Variants in JAK1 observed in about 807,000 individuals in gnomAD.
JAK1 encodes tyrosine-protein kinase JAK1.
Under a neutral mutation model 136.6 loss-of-function variants are expected in JAK1, and 16 were observed. The ratio of observed to expected loss-of-function variants is 0.12; its 90% CI spans 0.08 to 0.18. JAK1 has a LOEUF of 0.18. Among genes scored for constraint, JAK1 ranks in the 10% least tolerant of loss-of-function variants. The pLI, the probability that JAK1 is intolerant of heterozygous loss-of-function variation, is 1.00. For missense variants in JAK1, 859 were observed against 1,450.1 expected (o/e 0.59, Z 6.62); for synonymous variants, 492 against 519.5 (o/e 0.95, Z 0.72).
chr1:64,928,787 A>AAAAAAAAAAAAAAAAAAAAAAC (rs1645631562), intron 1 of JAK1, among the ~76,000 whole-genome samples: 12 of 92,590 alleles, frequency 1.3e-4, no homozygotes, highest in Non-Finnish European at 2.3e-4. Context: ...GCAAAAAAAA[A>AAAAAAAAAAAAAAAAAAAAAAC]AAAAAAAAAC....
intron 22 of JAK1, among the ~76,000 whole-genome samples, chr1:64,837,265 G>C (rs1444140429): frequency 6.6e-6 from 1 of 152,176 alleles, no homozygotes; most frequent in Non-Finnish European, 1.5e-5. Context: ...TTAAATGAAT[G>C]AATGAGTAAG....
rs2100959070 is a variant in JAK1 at position 64,839,603 on chromosome 1, C to T, written c.2842G>A (p.Gly948Arg). 1 of 1,612,982 alleles carries T rather than the reference C, an allele frequency of 6.2e-7. No homozygotes were observed. The highest frequency in any genetic ancestry group is 8.5e-7 in the Non-Finnish European group (1 of 1,179,326). ...CGGACCCCAGCCTTGCATAACATAC[C>T]GTCTTCTGTGCAGATTCCTTTGTAC... The part of the protein sequence containing the change: ...VKYKGICTED[G>R]GNGIKLIMEF... The change falls in exon 20 of 25, where the codon GGA becomes AGA. Residue 948 changes from glycine (G) to arginine (R), a missense_variant and splice_region_variant. Physicochemically the swap from Gly to Arg is moderately radical, Grantham distance 125 (BLOSUM62 -2). This residue lies in a region of JAK1 where 409 missense variants were observed against 753.8 expected (regional missense o/e 0.54). Coordinates refer to ENST00000342505, the MANE Select transcript of JAK1 (RefSeq NM_002227.4).
intron 2 of JAK1, chr1:64,973,232 A>G: frequency 6.6e-6 from 1 of 150,856 alleles, no homozygotes; most frequent in South Asian, 2.1e-4. Context: ...GAAAAGAAAG[A>G]AAGAAAGAAG....
intron 1 of JAK1, among the ~76,000 whole-genome samples, chr1:64,896,023 C>G (rs1203280168): frequency 6.6e-6 from 1 of 152,204 alleles, no homozygotes. Context: ...GGGAAGCTAT[C>G]CAAGTCTTGG....
chr1:64,954,628 A>C (rs1646149701), intron 1 of JAK1, among the ~76,000 whole-genome samples: 1 of 152,208 alleles, frequency 6.6e-6, no homozygotes, highest in Non-Finnish European at 1.5e-5. Context: ...ACCAAAGGGC[A>C]ACTATTTATT....
chr1:64,982,857 T>C (rs746243833), intron 2 of JAK1, among the ~76,000 whole-genome samples: 4 of 151,892 alleles, frequency 2.6e-5, no homozygotes, highest in Non-Finnish European at 5.9e-5. Flanking sequence ...CATATGAAAA[T>C]ATTCACAGTC....
chr1:64,861,037 G>A (rs933828732), intron 8 of JAK1, among the ~76,000 whole-genome samples: 1 of 151,418 alleles, frequency 6.6e-6, no homozygotes, highest in African/African-American at 2.4e-5. Context: ...CAGAGAAGCT[G>A]TCCCCTGGGT....
intron 8 of JAK1, among the ~76,000 whole-genome samples, chr1:64,864,073 T>C (rs560702202): frequency 3.3e-4 from 51 of 152,354 alleles, no homozygotes; most frequent in African/African-American, 1.2e-3. Flanking sequence ...CACCAGGCTC[T>C]TCCTCAGCAC....
chr1:64,909,966 T>A (rs1018161314), intron 1 of JAK1, among the ~76,000 whole-genome samples: 7 of 152,234 alleles, frequency 4.6e-5, no homozygotes, highest in Admixed American at 3.9e-4. Flanking sequence ...CCTGTTCTGG[T>A]GGGAGGTGAC....
chr1:65,021,099 G>A (rs1441018610), intron 2 of JAK1, among the ~76,000 whole-genome samples: 2 of 152,144 alleles, frequency 1.3e-5, no homozygotes, highest in African/African-American at 4.8e-5. Context: ...CCAACCAGAA[G>A]CCAGAAGACA....
intron 1 of JAK1, among the ~76,000 whole-genome samples, chr1:64,909,843 A>T (rs895447280): frequency 6.6e-6 from 1 of 152,102 alleles, no homozygotes; most frequent in Non-Finnish European, 1.5e-5. Context: ...ACAGGGTCTC[A>T]AAAAAATAAG....
At chr1:64,875,209 G>A (rs932391306) in intron 4 of JAK1, among the ~76,000 whole-genome samples, 6 of 152,226 alleles carry the variant, frequency 3.9e-5, no homozygotes, top group African/African-American at 1.4e-4. Flanking sequence ...GCCAGGGGAG[G>A]TGGCAGGAGG....
chr1:64,965,534 T>C (rs1437416914), intron 1 of JAK1, among the ~76,000 whole-genome samples: 1 of 151,318 alleles, frequency 6.6e-6, no homozygotes, highest in Non-Finnish European at 1.5e-5. Flanking sequence ...TTTGGAGGAG[T>C]GTCTATTAGT....
chr1:64,840,625 C>T (rs1169384863), intron 19 of JAK1, among the ~76,000 whole-genome samples: 5 of 152,096 alleles, frequency 3.3e-5, no homozygotes, highest in Admixed American at 2.6e-4. Flanking sequence ...GGCCAGGAGT[C>T]TGAGAGCAGC....
rs1019274503 is a variant in JAK1 at position 64,833,918 on chromosome 1, AC to A, written c.*643del. 1.3e-5 allele frequency: 3 copies of A among 232,682 alleles called. No individual in the cohort carries two copies. The highest frequency in any genetic ancestry group is 1.7e-5 in the Non-Finnish European group (2 of 117,744). The allele number at this position is 232,682 out of a possible 1,614,324, so 14.4% of individuals were successfully genotyped here. A position where few individuals can be genotyped will look rare whatever the true frequency, so the allele number is the denominator to read the frequency against. On this transcript the variant is annotated 3_prime_UTR_variant, in exon 25 of 25. Transcript: ENST00000342505. The stretch of plus-strand genomic sequence containing the variant: ...TTCCACAGCTATCCCCCCATGTAGA[AC>A]CAGCTTTCTCAAAAATGGGTGCTAG...
Position 65,057,052 on chromosome 1 carries a change from G to A in JAK1, c.-181+10552C>T, listed in dbSNP as rs566841029. Among the ~76,000 whole-genome samples the A allele has an allele frequency of 5.4e-4, 82 of 152,068 alleles. 1 individual carries two copies. The highest frequency in any genetic ancestry group is 3.4e-3 in the Middle Eastern group (1 of 294). ...CTGTTCTCTTTGCTCAAGCATATGG[G>A]TCACTGCTTTGGGTTCCTACACCAG... is the stretch of plus-strand genomic sequence containing the variant. On this transcript the variant is annotated intron_variant, in intron 1 of 25. Coordinates refer to the JAK1 transcript ENST00000671954.
At position 64,963,459 on chromosome 1, in the gene JAK1, T is replaced by C. The variant is rs557861934; in HGVS notation, c.-78+2874A>G. ...GTTCTGACAATAAGAAAACTAAGTA[T>C]ACTAAAAAAACCTTTACCCCAAAAA... On this transcript the variant is annotated intron_variant, in intron 1 of 24. Coordinates refer to ENST00000342505, the MANE Select transcript of JAK1 (RefSeq NM_002227.4). Among the ~76,000 whole-genome samples, 11 of 140,136 alleles carry C rather than the reference T, an allele frequency of 7.8e-5. No individual in the cohort carries two copies. The East Asian group carries it at 2.6e-3, about 33-fold the overall frequency. The allele number at this position is 140,136 out of a possible 152,430, so 91.9% of individuals were successfully genotyped here. A position where few individuals can be genotyped will look rare whatever the true frequency, so the allele number is the denominator to read the frequency against.
chr1:64,841,121 G>GCTTT lies in JAK1; in HGVS notation c.2649+120_2649+123dup, dbSNP rs1462974708. ...AAGTGGCCCCCAAATGCAGTAAGGT[G>GCTTT]CTTTCGCTCATGGACCTGGCCCCAG... On this transcript the variant is annotated intron_variant, in intron 19 of 24. Transcript: ENST00000342505. 3 of 711,538 alleles carry GCTTT rather than the reference G, an allele frequency of 4.2e-6. No individual in the cohort carries two copies. The Admixed American group carries it at 7.5e-5, about 18-fold the overall frequency. 44.1% of individuals were successfully genotyped at this position (711,538 alleles called of 1,614,324 possible).
chr1:64,927,060 C>T (rs1645595324), intron 1 of JAK1, among the ~76,000 whole-genome samples: 1 of 152,200 alleles, frequency 6.6e-6, no homozygotes, highest in Admixed American at 6.5e-5. Flanking sequence ...CTACTTCCCA[C>T]CTTTGTCCAA....
Sources: gnomAD v4.1 joint callset for allele counts (sites outside exome capture counted in the v4.1 genomes callset) on GRCh38, gnomAD v4.1.1 for gene constraint, gnomAD v4.1.1 regional missense constraint, MANE v1.5 for transcripts, NCBI Gene and HGNC (gene_info 2026-07-23, HGNC 2026-07-21) for gene names.